KALRN: variants seen among roughly 807,000 people sequenced by gnomAD.
The protein encoded by KALRN is kalirin.
Under a neutral mutation model 353.7 loss-of-function variants are expected in KALRN, and 70 were observed. The ratio of observed to expected loss-of-function variants is 0.20; its 90% confidence interval spans 0.16 to 0.24. The LOEUF is 0.24. Ranked by LOEUF, KALRN falls within the 10% of genes least tolerant of loss-of-function variation. The pLI, the probability that KALRN is intolerant of heterozygous loss-of-function variation, is 1.00. For missense variants in KALRN, 2,791 were observed against 3,756.7 expected (o/e 0.74, Z 6.72); for synonymous variants, 1,391 against 1,434.8 (o/e 0.97, Z 0.69).
rs559860790 is a variant in KALRN at position 124,443,190 on chromosome 3, G to A, written c.3313+1131G>A. 2.6e-5 allele frequency among the ~76,000 whole-genome samples: 4 copies of A among 152,300 alleles called. No homozygotes were observed. The South Asian group carries it at 8.3e-4, about 32-fold the overall frequency. On this transcript the variant is annotated intron_variant, in intron 19 of 59. Coordinates refer to ENST00000682506, the MANE Select transcript of KALRN (RefSeq NM_001388419.1). The stretch of plus-strand genomic sequence containing the variant: ...TAAAAATTGCCTATTATCTGACCAT[G>A]TGAAACTTAAATCATTATCTGTGGA...
At chr3:124,245,457 A>G (rs993118137) in intron 3 of KALRN, among the ~76,000 whole-genome samples, 5 of 152,218 alleles carry the variant, frequency 3.3e-5, no homozygotes, top group Admixed American at 6.5e-5. Flanking sequence ...ATGGGAGTGC[A>G]GGTATCTTTT....
chr3:124,178,217 T>C (rs2073053223), intron 1 of KALRN, among the ~76,000 whole-genome samples: 1 of 152,226 alleles, frequency 6.6e-6, no homozygotes, highest in Non-Finnish European at 1.5e-5. Context: ...TTCCAAGAAC[T>C]TCAGTGGATG....
At chr3:124,055,870 A>G (rs1174608441) in intron 1 of KALRN, among the ~76,000 whole-genome samples, 3 of 152,174 alleles carry the variant, frequency 2.0e-5, no homozygotes, top group Non-Finnish European at 4.4e-5. Context: ...TCCCCATGCC[A>G]AGTCTTTTCC....
At chr3:124,574,751 C>T (rs1020695676) in intron 34 of KALRN, among the ~76,000 whole-genome samples, 1 of 152,168 alleles carries the variant, frequency 6.6e-6, no homozygotes, top group African/African-American at 2.4e-5. Context: ...ATGACATGCA[C>T]TGAATGTGAC....
chr3:124,344,204 ATTTATTC>A (rs2082050180), intron 9 of KALRN, among the ~76,000 whole-genome samples: 3 of 152,226 alleles, frequency 2.0e-5, no homozygotes, highest in African/African-American at 7.2e-5. Flanking sequence ...TAGAAAGTCA[ATTTATTC>A]TTTAACCATT....
intron 22 of KALRN, 67 bp downstream of exon 22, chr3:124,455,426 C>A: frequency 6.9e-7 from 1 of 1,447,076 alleles, no homozygotes; most frequent in South Asian, 1.3e-5. Flanking sequence ...CTGCCCTCAT[C>A]GCCATGGAAG....
chr3:124,674,401 C>A lies in KALRN; in HGVS notation c.6980C>A (p.Ala2327Asp). The change falls in exon 49 of 60, where the codon GCC becomes GAC. Residue 2327 changes from alanine to aspartate, a missense_variant. Physicochemically the swap from Ala to Asp is moderately radical, Grantham distance 126 (BLOSUM62 -2). This residue lies in a region of KALRN where 1,065 missense variants were observed against 1,156.4 expected (regional missense o/e 0.92). Transcript: ENST00000682506. ...LGGCNGTSSM[A>D]VIKDYYALKE... ...GGCTGCAATGGGACCTCGTCCATGGCCGTGATCAAAGATTACTATGCACTG... is the reference window on the plus strand; with the variant it reads ...GGCTGCAATGGGACCTCGTCCATGGACGTGATCAAAGATTACTATGCACTG... The A allele has an allele frequency of 1.2e-6, 2 of 1,613,706 alleles. No homozygotes were observed. Among genetic ancestry groups the A allele is most frequent in the Non-Finnish European group, 1.7e-6 (2 of 1,179,890 alleles).
intron 36 of KALRN, among the ~76,000 whole-genome samples, chr3:124,634,802 A>G (rs1307355998): frequency 6.6e-6 from 1 of 151,772 alleles, no homozygotes; most frequent in Non-Finnish European, 1.5e-5. Flanking sequence ...TTGCTTTTTC[A>G]AGTGCTGTTT....
At chr3:124,482,337 T>C (rs1190209233) in intron 27 of KALRN, among the ~76,000 whole-genome samples, 1 of 152,186 alleles carries the variant, frequency 6.6e-6, no homozygotes. Flanking sequence ...AGATATATCC[T>C]TGTGCTATTT....
intron 33 of KALRN, among the ~76,000 whole-genome samples, chr3:124,528,533 C>A (rs988095068): frequency 1.3e-5 from 2 of 152,158 alleles, no homozygotes; most frequent in African/African-American, 4.8e-5. Flanking sequence ...CTCCCAACTG[C>A]CTCAGTGTGC....
intron 34 of KALRN, among the ~76,000 whole-genome samples, chr3:124,611,464 T>A (rs1442340699): frequency 2.0e-5 from 3 of 152,154 alleles, no homozygotes; most frequent in Non-Finnish European, 4.4e-5. Flanking sequence ...ATCCTGATGG[T>A]TCCTATTCAT....
chr3:124,699,844 C>G, intron 55 of KALRN, 25 bp from the exon 56 acceptor site: 1 of 1,612,388 alleles, frequency 6.2e-7, no homozygotes, highest in Non-Finnish European at 8.5e-7. Flanking sequence ...TTTCTCTTTC[C>G]CTCTCCTGGG....
At chr3:124,246,970 T>C (rs919347668) in intron 3 of KALRN, among the ~76,000 whole-genome samples, 2 of 152,182 alleles carry the variant, frequency 1.3e-5, no homozygotes, top group African/African-American at 4.8e-5. Context: ...TGGGGCTGTT[T>C]CTCTTTCCCC....
At chr3:124,088,008 T>A (rs993683496) in intron 1 of KALRN, among the ~76,000 whole-genome samples, 1 of 152,196 alleles carries the variant, frequency 6.6e-6, no homozygotes, top group African/African-American at 2.4e-5. Flanking sequence ...TTCAAAAAAA[T>A]TTTAAAAATA....
Position 124,697,703 on chromosome 3 carries a change from A to G in KALRN, c.7810A>G (p.Thr2604Ala). ...STGNCTISGYTVEYREEGSQI... is the reference protein window; with the variant it reads ...STGNCTISGYAVEYREEGSQI... ...AGGAAACTGCACTATTTCTGGTTACACTGTGGAGTACAGAGAGGAAGGTGC... is the reference window on the plus strand; with the variant it reads ...AGGAAACTGCACTATTTCTGGTTACGCTGTGGAGTACAGAGAGGAAGGTGC... The change falls in exon 55 of 60, where the codon ACT (threonine) becomes GCT (alanine). Residue 2604 changes from threonine to alanine, a missense_variant. Around this residue, in one of 11 missense-constraint regions of KALRN, gnomAD observed 1,065 missense variants for 1,156.4 expected, o/e 0.92. Transcript: ENST00000682506. The G allele has an allele frequency of 6.3e-7, 1 of 1,589,838 alleles. No individual in the cohort carries two copies. Among genetic ancestry groups the G allele is most frequent in the Non-Finnish European group, 8.6e-7 (1 of 1,167,438 alleles).
At chr3:124,272,354 C>T (rs1465476027) in intron 5 of KALRN, among the ~76,000 whole-genome samples, 1 of 152,098 alleles carries the variant, frequency 6.6e-6, no homozygotes, top group Non-Finnish European at 1.5e-5. Context: ...CTATTGGAGT[C>T]AGAGACACAC....
rs1191712418 is a variant in KALRN at position 124,726,189 on chromosome 3, C to T, written c.*6719C>T. ...ATATTTTATTTGTAAGTCAAAATCA[C>T]TCATGTGTAATGTTGTAAAGTGATG... is the stretch of plus-strand genomic sequence containing the variant. On this transcript the variant is annotated 3_prime_UTR_variant, in exon 60 of 60. Coordinates refer to ENST00000682506, the MANE Select transcript of KALRN (RefSeq NM_001388419.1). The T allele has an allele frequency of 2.6e-5, 4 of 152,154 alleles. No homozygotes were observed. Among genetic ancestry groups the T allele is most frequent in the Non-Finnish European group, 5.9e-5 (4 of 68,038 alleles). 9.4% of individuals were successfully genotyped at this position (152,154 alleles called of 1,614,324 possible).
chr3:124,700,749 CTG>C (rs1217024572), intron 56 of KALRN, among the ~76,000 whole-genome samples: 1 of 152,026 alleles, frequency 6.6e-6, no homozygotes, highest in Non-Finnish European at 1.5e-5. Flanking sequence ...GGGCAGCTGA[CTG>C]TACTCGAAAG....
At chr3:124,478,969 A>G (rs929699003) in intron 27 of KALRN, among the ~76,000 whole-genome samples, 2 of 152,202 alleles carry the variant, frequency 1.3e-5, no homozygotes, top group Non-Finnish European at 2.9e-5. Context: ...ATTAAAGGTC[A>G]CATGCTGCTT....
Sources: allele counts gnomAD v4.1 joint callset (sites outside exome capture counted in the v4.1 genomes callset), GRCh38; gene constraint gnomAD v4.1.1; regional missense constraint gnomAD v4.1.1; transcripts MANE v1.5; gene names NCBI Gene and HGNC (gene_info 2026-07-23, HGNC 2026-07-21).